The following RAB2A variants were observed in gnomAD, a reference collection of about 807,000 sequenced individuals.
RAB2A encodes RAB2A, member RAS oncogene family, also known as ras-related protein Rab-2A.
A neutral mutation model predicts 32.5 loss-of-function variants in RAB2A; 7 were observed. The observed-to-expected ratio is 0.22, with a 90% CI of 0.12 to 0.40. The LOEUF (loss-of-function observed/expected upper bound fraction) is 0.40. Ranked by LOEUF, RAB2A falls within the 10% of genes least tolerant of loss-of-function variation. The pLI is 1.00. For missense variants in RAB2A, 108 were observed against 260.7 expected (o/e 0.41, Z 4.03); for synonymous variants, 79 against 85.2 (o/e 0.93, Z 0.40).
rs567937698 is a variant in RAB2A at position 60,617,338 on chromosome 8, G to A, written c.475-1242G>A. On this transcript the variant is annotated intron_variant, in intron 6 of 7. Transcript: ENST00000262646. ...CGTCTTTTCTCTCTTTATCGTAAGCGTCCTTTGATTTTGCTTTCTTAAACT... is the reference window on the plus strand; with the variant it reads ...CGTCTTTTCTCTCTTTATCGTAAGCATCCTTTGATTTTGCTTTCTTAAACT... Among the ~76,000 whole-genome samples, 13 of 152,174 alleles carry A rather than the reference G, an allele frequency of 8.5e-5. No homozygotes were observed. The South Asian group carries it at 1.9e-3, about 22-fold the overall frequency.
At chr8:60,548,426 C>A (rs1255547833) in intron 1 of RAB2A, among the ~76,000 whole-genome samples, 4 of 58,054 alleles carry the variant, frequency 6.9e-5, no homozygotes, top group African/African-American at 1.6e-4. Context: ...GGCGGCTGGC[C>A]GGGCAGAGTG....
At chr8:60,519,370 T>G (rs567325629) in intron 1 of RAB2A, among the ~76,000 whole-genome samples, 8 of 152,232 alleles carry the variant, frequency 5.3e-5, no homozygotes, top group Non-Finnish European at 7.3e-5. Context: ...TCCCAGTGAC[T>G]GATTTTGGTG....
At chr8:60,545,478 T>C (rs1007272142) in intron 1 of RAB2A, among the ~76,000 whole-genome samples, 1 of 152,120 alleles carries the variant, frequency 6.6e-6, no homozygotes, top group Admixed American at 6.5e-5. Context: ...AGAGGTGCCA[T>C]GTTGCCCAGG....
chr8:60,587,963 T>C (rs779740388), intron 5 of RAB2A, among the ~76,000 whole-genome samples: 2 of 152,298 alleles, frequency 1.3e-5, no homozygotes, highest in Middle Eastern at 3.4e-3. Flanking sequence ...ACAGAAGATA[T>C]ACTACTGATG....
At chr8:60,604,168 C>T (rs1044519959) in intron 6 of RAB2A, among the ~76,000 whole-genome samples, 18 of 152,124 alleles carry the variant, frequency 1.2e-4, no homozygotes, top group African/African-American at 2.7e-4. Context: ...GCTGTGGTCA[C>T]GTGAAGTGCC....
chr8:60,547,188 T>A (rs1434035328), intron 1 of RAB2A, among the ~76,000 whole-genome samples: 1 of 152,024 alleles, frequency 6.6e-6, no homozygotes, highest in Non-Finnish European at 1.5e-5. Flanking sequence ...ATACAGCACA[T>A]GTTTCAGAGA....
At position 60,521,841 on chromosome 8, in the gene RAB2A, C is replaced by T. The variant is rs778093219; in HGVS notation, c.46+4588C>T. Among the ~76,000 whole-genome samples the T allele has an allele frequency of 4.2e-4, 64 of 152,130 alleles. 1 individual carries two copies. Among genetic ancestry groups the T allele is most frequent in the Non-Finnish European group, 8.1e-4 (55 of 68,012 alleles). On this transcript the variant is annotated intron_variant, in intron 1 of 7. Coordinates refer to ENST00000262646, the MANE Select transcript of RAB2A (RefSeq NM_002865.3). ...TTGCCATGTTGGTCTGACTGGGTCT[C>T]GAACTCCTGACCTCAGGTGGTCCAC...
At chr8:60,584,332 G>T (rs777573012) in intron 4 of RAB2A, 42 bp downstream of exon 4, 2 of 1,475,398 alleles carry the variant, frequency 1.4e-6, no homozygotes, top group Non-Finnish European at 1.9e-6. Context: ...TTGATACAGA[G>T]AATTTTTCTA....
At chr8:60,599,253 A>G (rs1804088553) in intron 6 of RAB2A, among the ~76,000 whole-genome samples, 1 of 152,214 alleles carries the variant, frequency 6.6e-6, no homozygotes, top group Non-Finnish European at 1.5e-5. Context: ...TCTGAAAACT[A>G]CAAAACTACT....
At chr8:60,564,309 T>G (rs1808071572) in intron 2 of RAB2A, among the ~76,000 whole-genome samples, 1 of 152,200 alleles carries the variant, frequency 6.6e-6, no homozygotes, top group Non-Finnish European at 1.5e-5. Flanking sequence ...GTGCTGTGGG[T>G]AAACTTAAGT....
chr8:60,586,366 G>A (rs923972210), intron 5 of RAB2A, among the ~76,000 whole-genome samples: 6 of 144,706 alleles, frequency 4.1e-5, no homozygotes, highest in Non-Finnish European at 9.1e-5. Context: ...CAAAGTTAAG[G>A]AAAGCCTCCT....
At chr8:60,554,809 C>T (rs1401591166) in intron 1 of RAB2A, among the ~76,000 whole-genome samples, 1 of 151,758 alleles carries the variant, frequency 6.6e-6, no homozygotes, top group Admixed American at 6.6e-5. Context: ...GCCGAGATTG[C>T]GCCACTGCAC....
At chr8:60,612,242 G>C (rs1804363426) in intron 6 of RAB2A, among the ~76,000 whole-genome samples, 1 of 152,026 alleles carries the variant, frequency 6.6e-6, no homozygotes, top group African/African-American at 2.4e-5. Context: ...GGTTTTCTAG[G>C]AACAGGAAAT....
intron 6 of RAB2A, among the ~76,000 whole-genome samples, chr8:60,607,428 C>CCAA (rs1804252827): frequency 1.7e-5 from 1 of 57,492 alleles, no homozygotes; most frequent in Admixed American, 1.9e-4. Context: ...GACTCCATCT[C>CCAA]AAAAAAAAAA....
intron 1 of RAB2A, among the ~76,000 whole-genome samples, chr8:60,548,781 C>T (rs558302528): frequency 0.014 from 1,993 of 143,696 alleles, 64 homozygotes; most frequent in African/African-American, 0.052. Context: ...GATCCCCCCA[C>T]CTCCCTCCCA....
chr8:60,578,040 C>G (rs187038067), intron 3 of RAB2A, among the ~76,000 whole-genome samples: 74 of 152,266 alleles, frequency 4.9e-4, no homozygotes, highest in Non-Finnish European at 8.1e-4. Flanking sequence ...ATCCTTCTTT[C>G]CTTCTTTTGG....
At chr8:60,557,281 C>T (rs1426164259) in intron 1 of RAB2A, among the ~76,000 whole-genome samples, 3 of 152,042 alleles carry the variant, frequency 2.0e-5, no homozygotes. Context: ...TTTGGGACGC[C>T]GAGGGGGATG....
intron 2 of RAB2A, among the ~76,000 whole-genome samples, chr8:60,559,477 A>C (rs1807989100): frequency 6.6e-6 from 1 of 152,242 alleles, no homozygotes; most frequent in Admixed American, 6.5e-5. Context: ...CTCAGTTGTA[A>C]AGAGTAAATG....
chr8:60,606,082 G>C (rs1804226638), intron 6 of RAB2A, among the ~76,000 whole-genome samples: 4 of 152,064 alleles, frequency 2.6e-5, no homozygotes, highest in Non-Finnish European at 5.9e-5. Context: ...CAGGGAGGCG[G>C]AAGTTGCAGT....
Sources: allele counts gnomAD v4.1 joint callset (sites outside exome capture counted in the v4.1 genomes callset), GRCh38; gene constraint gnomAD v4.1.1; transcripts MANE v1.5; gene names NCBI Gene and HGNC (gene_info 2026-07-23, HGNC 2026-07-21).